Variants in FYN observed in about 807,000 individuals in gnomAD.
FYN encodes FYN proto-oncogene, Src family tyrosine kinase.
A neutral mutation model predicts 70.2 loss-of-function variants in FYN; 10 were observed. The observed-to-expected ratio is 0.14, with a 90% CI of 0.09 to 0.24. The LOEUF (loss-of-function observed/expected upper bound fraction) is 0.24, where lower values mean the gene tolerates loss of function less well. Ranked by LOEUF, FYN falls within the 10% of genes least tolerant of loss-of-function variation. The probability of loss-of-function intolerance (pLI) is 1.00; values close to 1 mark genes in which losing one functional copy is unlikely to be tolerated. For synonymous variants in FYN, 236 were observed against 248.6 expected (o/e 0.95, Z 0.48); for missense variants, 319 against 673.1 (o/e 0.47, Z 5.82).
chr6:111,789,919 A>G (rs1771548153), intron 2 of FYN, among the ~76,000 whole-genome samples: 3 of 152,212 alleles, frequency 2.0e-5, no homozygotes, highest in Admixed American at 1.3e-4. Flanking sequence ...GGGAAGGCCC[A>G]TGAAATACAC....
intron 1 of FYN, among the ~76,000 whole-genome samples, chr6:111,853,583 G>A (rs1320067571): frequency 6.6e-6 from 1 of 152,078 alleles, no homozygotes; most frequent in African/African-American, 2.4e-5. Context: ...ATGACATCAG[G>A]AGAGCAACAT....
At chr6:111,829,439 G>GT (rs1166191802) in intron 2 of FYN, among the ~76,000 whole-genome samples, 1 of 152,232 alleles carries the variant, frequency 6.6e-6, no homozygotes, top group Non-Finnish European at 1.5e-5. Context: ...AGGATAATTA[G>GT]TAAGTATGTA....
At chr6:111,856,349 C>G in intron 1 of FYN, among the ~76,000 whole-genome samples, 1 of 152,158 alleles carries the variant, frequency 6.6e-6, no homozygotes, top group East Asian at 1.9e-4. Context: ...CAAATACTAA[C>G]TATAAACACA....
At chr6:111,735,697 A>G (rs1000761189) in intron 3 of FYN, among the ~76,000 whole-genome samples, 2 of 152,204 alleles carry the variant, frequency 1.3e-5, no homozygotes, top group Non-Finnish European at 2.9e-5. Context: ...AAGAGACTGC[A>G]TGCAAGTGGC....
chr6:111,839,797 G>A (rs1773299533), intron 2 of FYN, among the ~76,000 whole-genome samples: 1 of 152,154 alleles, frequency 6.6e-6, no homozygotes, highest in African/African-American at 2.4e-5. Context: ...CTAGAGGCTT[G>A]TATCACCAGA....
rs150877417 is a variant in FYN, at chr6:111,769,400, T to C, written c.-12+11166A>G. On this transcript the variant is annotated intron_variant, in intron 3 of 13. Coordinates refer to ENST00000354650, the MANE Select transcript of FYN (RefSeq NM_002037.5). ...ACTCCAGGAGTCTGTCGCCATTCTTTTGTCATTTTCTCCCCTGAGATTGTG... is the reference window on the plus strand; with the variant it reads ...ACTCCAGGAGTCTGTCGCCATTCTTCTGTCATTTTCTCCCCTGAGATTGTG... Among the ~76,000 whole-genome samples, 49 of 152,346 alleles carry C rather than the reference T, an allele frequency of 3.2e-4. 1 individual carries two copies. In the East Asian group the frequency reaches 9.1e-3, roughly 28 times the overall value.
chr6:111,686,833 C>CCT, intron 12 of FYN, among the ~76,000 whole-genome samples: 1 of 152,314 alleles, frequency 6.6e-6, no homozygotes, highest in East Asian at 1.9e-4. Context: ...TCAGAAGCGG[C>CCT]TGATTAATAA....
At position 111,694,817 on chromosome 6, in the gene FYN, AT is replaced by A; in HGVS notation, c.1043-114del. 1.2e-6 allele frequency: 1 copy of A among 868,090 alleles called. No homozygotes were observed. The highest frequency in any genetic ancestry group is 1.8e-6 in the Non-Finnish European group (1 of 563,108). The allele number at this position is 868,090 out of a possible 1,614,324, so 53.8% of individuals were successfully genotyped here. A position where few individuals can be genotyped will look rare whatever the true frequency, so the allele number is the denominator to read the frequency against. ...TAAGGTAGTCAAATGGAATAATGCC[AT>A]CCACATGGGGGGACAAAAAGGTTTA... On this transcript the variant is annotated intron_variant, in intron 10 of 13. Transcript: ENST00000354650. The surrounding 1 kb of genome is among the most constrained non-coding windows in gnomAD (Gnocchi z 5.0).
intron 2 of FYN, among the ~76,000 whole-genome samples, chr6:111,788,339 G>A: frequency 6.6e-6 from 1 of 152,124 alleles, no homozygotes; most frequent in East Asian, 1.9e-4. Context: ...GCATTCAAAG[G>A]GCTTCATCCT....
chr6:111,828,764 G>A lies in FYN; in HGVS notation c.-82+17825C>T, dbSNP rs554265280. 4.5e-4 allele frequency among the ~76,000 whole-genome samples: 68 copies of A among 152,282 alleles called. 1 individual carries two copies. Among genetic ancestry groups the A allele is most frequent in the Admixed American group, 1.1e-3 (17 of 15,294 alleles). ...AGGGGCTAGGGGAATGGCAGAATCC[G>A]GAGTTGTTGTTTAAGAGGTATGGAT... is the stretch of plus-strand genomic sequence containing the variant. On this transcript the variant is annotated intron_variant, in intron 2 of 13. Transcript: ENST00000354650.
intron 13 of FYN, among the ~76,000 whole-genome samples, chr6:111,667,342 G>A (rs1196165025): frequency 1.3e-5 from 2 of 152,118 alleles, no homozygotes; most frequent in Admixed American, 6.5e-5. Context: ...GGGCTCAAGC[G>A]ATCCTCCTCA....
At position 111,826,930 on chromosome 6, in the gene FYN, A is replaced by G. The variant is rs150294412; in HGVS notation, c.-82+19659T>C. On this transcript the variant is annotated intron_variant, in intron 2 of 13. Transcript: ENST00000354650. ...TACAGAGCTGGAAGGGACCTTAGAA[A>G]GGGACCTTTAGAGATGAGAAAATTG... 4.8e-3 allele frequency among the ~76,000 whole-genome samples: 728 copies of G among 152,312 alleles called. 8 individuals are homozygous for G. Among genetic ancestry groups the G allele is most frequent in the African/African-American group, 0.014 (585 of 41,556 alleles).
At chr6:111,706,505 A>C (rs1421205624) in intron 6 of FYN, among the ~76,000 whole-genome samples, 2 of 152,234 alleles carry the variant, frequency 1.3e-5, no homozygotes, top group Non-Finnish European at 2.9e-5. Flanking sequence ...TGGCGTAAAG[A>C]CTAGTACGTC....
intron 3 of FYN, among the ~76,000 whole-genome samples, chr6:111,724,754 C>G (rs1434024620): frequency 6.6e-6 from 1 of 152,204 alleles, no homozygotes; most frequent in African/African-American, 2.4e-5. Flanking sequence ...GAAGTGACAG[C>G]CCTTAGGCAT....
chr6:111,688,009 GGTCAAGCT>G (rs1799099613), intron 12 of FYN, among the ~76,000 whole-genome samples: 1 of 151,896 alleles, frequency 6.6e-6, no homozygotes, highest in Admixed American at 6.5e-5. Context: ...GAAGAAAAGA[GGTCAAGCT>G]ATCCAAAAAA....
chr6:111,703,711 A>T (rs950985748), intron 7 of FYN, among the ~76,000 whole-genome samples: 6 of 152,236 alleles, frequency 3.9e-5, no homozygotes, highest in Non-Finnish European at 8.8e-5. Context: ...CAGAAAATCA[A>T]AATTCTAAAG....
intron 12 of FYN, among the ~76,000 whole-genome samples, chr6:111,679,653 C>T (rs558053634): frequency 1.3e-5 from 2 of 152,244 alleles, no homozygotes; most frequent in African/African-American, 4.8e-5. Flanking sequence ...TCCTTGGTGA[C>T]AGCACCAGTG....
At chr6:111,717,012 C>G (rs1455318989) in intron 4 of FYN, among the ~76,000 whole-genome samples, 1 of 152,032 alleles carries the variant, frequency 6.6e-6, no homozygotes, top group Non-Finnish European at 1.5e-5. Context: ...TCTTGAACTC[C>G]TGACATCGTG....
At position 111,661,652 on chromosome 6, in the gene FYN, T is replaced by C. The variant is rs1583273758; in HGVS notation, c.*87A>G. ...ATCTGATCCTGGGCGGTTCCGCTGC[T>C]GGGGAGCAGCTGGCTACGGAATTGA... On this transcript the variant is annotated 3_prime_UTR_variant, in exon 14 of 14. Coordinates refer to ENST00000354650, the MANE Select transcript of FYN (RefSeq NM_002037.5). This position sits in a 1 kb window ranked among gnomAD's most constrained non-coding sequence, Gnocchi z 4.0. The C allele has an allele frequency of 1.5e-6, 2 of 1,301,892 alleles. No individual in the cohort carries two copies. The highest frequency in any genetic ancestry group is 1.5e-5 in the African/African-American group (1 of 67,654). The allele number at this position is 1,301,892 out of a possible 1,614,324, so 80.6% of individuals were successfully genotyped here. A position where few individuals can be genotyped will look rare whatever the true frequency, so the allele number is the denominator to read the frequency against.
Sources: allele counts gnomAD v4.1 joint callset (sites outside exome capture counted in the v4.1 genomes callset), GRCh38; gene constraint gnomAD v4.1.1; non-coding constraint Gnocchi (gnomAD v3.1); transcripts MANE v1.5; gene names NCBI Gene and HGNC (gene_info 2026-07-23, HGNC 2026-07-21).